GPC5: variants seen among roughly 807,000 people sequenced by gnomAD.
The protein encoded by GPC5 is glypican 5, also known as glypican-5.
Under a neutral mutation model 53.9 loss-of-function variants are expected in GPC5, and 47 were observed. That is an observed-to-expected ratio of 0.87 (90% CI 0.69 to 1.11). The LOEUF (loss-of-function observed/expected upper bound fraction) is 1.11, where lower values mean the gene tolerates loss of function less well. GPC5 is among the 50% of genes most tolerant of loss of function. GPC5 has a pLI of 0.00. For synonymous variants in GPC5, 286 were observed against 263.3 expected, an observed-to-expected ratio of 1.09 and a Z score of -0.84; for missense variants, 748 against 713.1, an observed-to-expected ratio of 1.05 and a Z score of -0.56.
At chr13:91,684,746 CA>C (rs1370299203) in intron 2 of GPC5, among the ~76,000 whole-genome samples, 3 of 152,198 alleles carry the variant, frequency 2.0e-5, no homozygotes, top group Non-Finnish European at 4.4e-5. Flanking sequence ...AAGACATGAA[CA>C]GCATCACATT....
At chr13:92,859,936 C>T (rs1248395749) in intron 7 of GPC5, among the ~76,000 whole-genome samples, 1 of 152,006 alleles carries the variant, frequency 6.6e-6, no homozygotes, top group African/African-American at 2.4e-5. Context: ...AAGATCTAAA[C>T]AATATTCCCT....
chr13:92,842,800 G>A (rs958724008), intron 7 of GPC5, among the ~76,000 whole-genome samples: 24 of 151,544 alleles, frequency 1.6e-4, no homozygotes, highest in Admixed American at 5.9e-4. Context: ...TGAAATTAAC[G>A]GAATATTTTC....
intron 2 of GPC5, among the ~76,000 whole-genome samples, chr13:91,553,553 C>G (rs1015258800): frequency 6.6e-6 from 1 of 151,994 alleles, no homozygotes; most frequent in African/African-American, 2.4e-5. Context: ...CCCAGAATTT[C>G]TGGAAGTTTT....
intron 5 of GPC5, among the ~76,000 whole-genome samples, chr13:91,805,680 T>C (rs796888646): frequency 3.9e-5 from 6 of 152,340 alleles, no homozygotes; most frequent in African/African-American, 1.4e-4. Context: ...AAATGCAGTG[T>C]GTGTGTGTTA....
chr13:91,586,561 TGTAGAGAG>T (rs2032597806), intron 2 of GPC5, among the ~76,000 whole-genome samples: 2 of 27,924 alleles, frequency 7.2e-5, no homozygotes, highest in African/African-American at 5.2e-4. Context: ...TATATATATA[TGTAGAGAG>T]AGAGAGAGAG....
At chr13:92,583,573 A>G (rs942614761) in intron 7 of GPC5, among the ~76,000 whole-genome samples, 3 of 152,202 alleles carry the variant, frequency 2.0e-5, no homozygotes. Flanking sequence ...GGAATAGGCT[A>G]GAAGAGGAGT....
intron 5 of GPC5, among the ~76,000 whole-genome samples, chr13:91,883,456 C>T (rs1444315570): frequency 6.6e-6 from 1 of 152,142 alleles, no homozygotes; most frequent in Non-Finnish European, 1.5e-5. Flanking sequence ...TCACACATGA[C>T]AATTACACAT....
chr13:92,402,478 G>A (rs987441623), intron 7 of GPC5, among the ~76,000 whole-genome samples: 5 of 152,026 alleles, frequency 3.3e-5, no homozygotes, highest in Admixed American at 6.6e-5. Flanking sequence ...CACATTTTTG[G>A]TTTTTTGTTT....
chr13:91,409,980 T>C (rs1032957879), intron 1 of GPC5, among the ~76,000 whole-genome samples: 1 of 152,354 alleles, frequency 6.6e-6, no homozygotes, highest in South Asian at 2.1e-4. Flanking sequence ...TCCATTCCTG[T>C]GTTAATTTGC....
chr13:92,750,464 AAC>A (rs1428710585), intron 7 of GPC5, among the ~76,000 whole-genome samples: 2 of 152,206 alleles, frequency 1.3e-5, no homozygotes, highest in Non-Finnish European at 2.9e-5. Flanking sequence ...AAAAATGAAA[AAC>A]AGGGCAGAAA....
At chr13:92,809,088 C>T (rs1877203474) in intron 7 of GPC5, among the ~76,000 whole-genome samples, 2 of 152,090 alleles carry the variant, frequency 1.3e-5, no homozygotes, top group African/African-American at 4.8e-5. Context: ...CAGCAAAATT[C>T]ATTTTGCTTC....
At chr13:91,949,070 A>C (rs2040002734) in intron 6 of GPC5, among the ~76,000 whole-genome samples, 1 of 152,308 alleles carries the variant, frequency 6.6e-6, no homozygotes, top group Middle Eastern at 3.4e-3. Flanking sequence ...ATACTCATAC[A>C]TAACTCATGG....
chr13:91,911,509 C>G (rs2039610402), intron 6 of GPC5, among the ~76,000 whole-genome samples: 1 of 152,112 alleles, frequency 6.6e-6, no homozygotes, highest in African/African-American at 2.4e-5. Context: ...CACCACTGCA[C>G]TCCTGCCTGG....
intron 7 of GPC5, among the ~76,000 whole-genome samples, chr13:92,710,777 G>A (rs1888107977): frequency 6.6e-6 from 1 of 152,130 alleles, no homozygotes; most frequent in Admixed American, 6.5e-5. Flanking sequence ...AGGGGATCAA[G>A]CTTTGTGAAA....
At chr13:92,314,160 T>A (rs935118696) in intron 7 of GPC5, among the ~76,000 whole-genome samples, 1 of 152,152 alleles carries the variant, frequency 6.6e-6, no homozygotes, top group Non-Finnish European at 1.5e-5. Context: ...CAAACATGTC[T>A]TTTTCTTGAA....
chr13:92,394,227 A>T (rs1875154173), intron 7 of GPC5, among the ~76,000 whole-genome samples: 1 of 152,182 alleles, frequency 6.6e-6, no homozygotes, highest in African/African-American at 2.4e-5. Context: ...TGCAAATGAA[A>T]GCCTACTAAA....
chr13:92,771,368 A>C (rs1875608916), intron 7 of GPC5, among the ~76,000 whole-genome samples: 1 of 152,034 alleles, frequency 6.6e-6, no homozygotes, highest in African/African-American at 2.4e-5. Flanking sequence ...TTCGAGACAG[A>C]GTCTCGCTCT....
At chr13:92,362,189 A>G (rs1242892430) in intron 7 of GPC5, among the ~76,000 whole-genome samples, 2 of 113,676 alleles carry the variant, frequency 1.8e-5, no homozygotes, top group Non-Finnish European at 1.7e-5. Flanking sequence ...GTTGTTTCAG[A>G]TATGTTTGTT....
At chr13:91,958,788 A>G (rs2040098027) in intron 6 of GPC5, among the ~76,000 whole-genome samples, 1 of 152,110 alleles carries the variant, frequency 6.6e-6, no homozygotes, top group South Asian at 2.1e-4. Flanking sequence ...AACTGGGTCA[A>G]GGAAGAAATT....
Sources: allele counts gnomAD v4.1 joint callset (sites outside exome capture counted in the v4.1 genomes callset), GRCh38; gene constraint gnomAD v4.1.1; transcripts MANE v1.5; gene names NCBI Gene and HGNC (gene_info 2026-07-23, HGNC 2026-07-21).